Variants in SRGAP1 observed in about 807,000 individuals in gnomAD.
SRGAP1 encodes SLIT-ROBO Rho GTPase activating protein 1.
Under a neutral mutation model 121.9 loss-of-function variants are expected in SRGAP1, and 43 were observed. That is an observed-to-expected ratio of 0.35 (90% CI 0.28 to 0.46). The LOEUF (loss-of-function observed/expected upper bound fraction) is 0.46, where lower values mean the gene tolerates loss of function less well. SRGAP1 is among the 20% of genes least tolerant of loss of function. The probability of loss-of-function intolerance (pLI) is 1.00; values close to 1 mark genes in which losing one functional copy is unlikely to be tolerated. For missense variants in SRGAP1, 1,102 were observed against 1,350.9 expected, an observed-to-expected ratio of 0.82 and a Z score of 2.89; for synonymous variants, 447 against 485.4, an observed-to-expected ratio of 0.92 and a Z score of 1.04.
chr12:64,042,032 G>A (rs2035036539), intron 4 of SRGAP1, among the ~76,000 whole-genome samples: 1 of 151,572 alleles, frequency 6.6e-6, no homozygotes, highest in African/African-American at 2.4e-5. Flanking sequence ...CCGAGTAGCT[G>A]GATTACAGAT....
chr12:64,080,631 C>T, intron 10 of SRGAP1: 2 of 524,478 alleles, frequency 3.8e-6, no homozygotes, highest in Non-Finnish European at 6.9e-6. Context: ...GAGGGATCTT[C>T]AGAGTGTGGT....
rs372358082 is a variant in SRGAP1, at chr12:64,128,027, A to C, written c.2707A>C (p.Asn903His). 3.8e-5 allele frequency: 61 copies of C among 1,614,026 alleles called. No homozygotes were observed. In the African/African-American group the frequency reaches 7.3e-4, roughly 19 times the overall value. Residue 903 changes from asparagine (N) to histidine (H), a missense_variant, in exon 21 of 22, where the codon AAC (asparagine) becomes CAC (histidine). Asn to His is a moderately conservative substitution (Grantham distance 68, BLOSUM62 1). Coordinates refer to ENST00000355086, the MANE Select transcript of SRGAP1 (RefSeq NM_020762.4). ...GGGCCTGCTGCAGAACCGTGGCCTC[A>C]ACAATGACAGTCCTGAGCGGAGGCG... ...PRGLLQNRGL[N>H]NDSPERRRRP...
chr12:64,015,339 AT>A (rs2034374468), intron 3 of SRGAP1, among the ~76,000 whole-genome samples: 1 of 152,196 alleles, frequency 6.6e-6, no homozygotes, highest in African/African-American at 2.4e-5. Context: ...AGTTGACTTC[AT>A]TTTTTTACTC....
intron 1 of SRGAP1, among the ~76,000 whole-genome samples, chr12:63,897,846 A>G (rs1175878467): frequency 1.3e-5 from 2 of 152,134 alleles, no homozygotes; most frequent in African/African-American, 4.8e-5. Flanking sequence ...GGAGGGAGAT[A>G]GATTTTTTTC....
intron 18 of SRGAP1, among the ~76,000 whole-genome samples, chr12:64,120,830 T>G (rs2036594800): frequency 2.6e-5 from 4 of 152,198 alleles, no homozygotes; most frequent in Admixed American, 2.6e-4. Flanking sequence ...CCTCTCTGGG[T>G]TCCCACTTTC....
intron 1 of SRGAP1, among the ~76,000 whole-genome samples, chr12:63,915,130 C>T (rs1045633198): frequency 1.3e-5 from 2 of 152,058 alleles, no homozygotes; most frequent in Non-Finnish European, 2.9e-5. Flanking sequence ...TTTGCTTTAA[C>T]TTTAGTAAAG....
chr12:64,111,683 G>T, intron 16 of SRGAP1, 79 bp from the exon 17 acceptor site: 1 of 1,228,270 alleles, frequency 8.1e-7, no homozygotes, highest in South Asian at 1.7e-5. Context: ...TTAAAGTATT[G>T]AAGTATCTTG....
At chr12:63,932,230 G>A (rs1297269354) in intron 1 of SRGAP1, among the ~76,000 whole-genome samples, 1 of 152,160 alleles carries the variant, frequency 6.6e-6, no homozygotes, top group African/African-American at 2.4e-5. Context: ...TCAGTGAGCC[G>A]AGATTGCACC....
At chr12:63,907,550 T>C (rs926647632) in intron 1 of SRGAP1, among the ~76,000 whole-genome samples, 1 of 151,690 alleles carries the variant, frequency 6.6e-6, no homozygotes, top group Non-Finnish European at 1.5e-5. Flanking sequence ...AAAAAAAAAA[T>C]TAAAGTAAAA....
At chr12:64,126,266 A>C in intron 19 of SRGAP1, 109 bp downstream of exon 19, 2 of 1,259,110 alleles carry the variant, frequency 1.6e-6, no homozygotes, top group Non-Finnish European at 2.2e-6. Context: ...GATTACAGAG[A>C]TAAAACTTCA....
chr12:63,860,994 C>G (rs780323951), intron 1 of SRGAP1, among the ~76,000 whole-genome samples: 4 of 151,954 alleles, frequency 2.6e-5, no homozygotes, highest in Non-Finnish European at 5.9e-5. Context: ...GACCGCCAAG[C>G]CTGGCCCTTT....
chr12:63,921,109 T>A (rs1432528336), intron 1 of SRGAP1, among the ~76,000 whole-genome samples: 4 of 152,140 alleles, frequency 2.6e-5, no homozygotes, highest in East Asian at 1.9e-4. Flanking sequence ...CTTTAATATC[T>A]CCCCCTAGCT....
intron 1 of SRGAP1, among the ~76,000 whole-genome samples, chr12:63,915,586 A>C (rs538614263): frequency 1.3e-5 from 2 of 152,342 alleles, no homozygotes; most frequent in South Asian, 2.1e-4. Context: ...GAAGATTTTT[A>C]GCTGGAGACA....
At chr12:64,007,302 T>G (rs150264813) in intron 3 of SRGAP1, among the ~76,000 whole-genome samples, 250 of 152,264 alleles carry the variant, frequency 1.6e-3, no homozygotes, top group Middle Eastern at 3.4e-3. Context: ...AGTTTCGAGA[T>G]GAAACTGTTC....
intron 1 of SRGAP1, among the ~76,000 whole-genome samples, chr12:63,973,970 A>T (rs1043392660): frequency 2.0e-5 from 3 of 152,184 alleles, no homozygotes; most frequent in Non-Finnish European, 1.5e-5. Context: ...CCAAAATGTA[A>T]ATCTTTGTAT....
In SRGAP1 at chr12:64,153,479, A is replaced by C. The variant is rs1051428313; in HGVS notation, c.*10807A>C. ...CACAGTGAGACTCCATCTCAAAAAA[A>C]AAAAAAAAAGTAAGGTACTTAGATG... On this transcript the variant is annotated 3_prime_UTR_variant, in exon 22 of 22. Transcript: ENST00000355086. 2 of 152,022 alleles carry C rather than the reference A, an allele frequency of 1.3e-5. No individual in the cohort carries two copies. The highest frequency in any genetic ancestry group is 1.3e-4 in the Admixed American group (2 of 15,262). 9.4% of individuals were successfully genotyped at this position (152,022 alleles called of 1,614,324 possible).
rs145629853 is a variant in SRGAP1, at chr12:63,844,846, C to G, written c.30C>G (p.Asp10Glu). The change falls in exon 1 of 22, where the codon GAC (aspartate) becomes GAG (glutamate). Residue 10 changes from aspartate to glutamate, a missense_variant. Physicochemically the swap from Asp to Glu is conservative, Grantham distance 45. Transcript: ENST00000355086. The surrounding 1 kb of genome is among the most constrained non-coding windows in gnomAD (Gnocchi z 4.3). The part of the protein sequence containing the change: MSTPSRFKK[D>E]KEIIAEYESQ... ...CCACCCCGAGCCGATTCAAGAAGGA[C>G]AAAGAGATCATAGCCGAGTATGAAA... 3 of 1,614,146 alleles carry G rather than the reference C, an allele frequency of 1.9e-6. No homozygotes were observed. Among genetic ancestry groups the G allele is most frequent in the Non-Finnish European group, 2.5e-6 (3 of 1,180,022 alleles).
At chr12:63,872,052 G>T (rs1484099791) in intron 1 of SRGAP1, 2 of 765,620 alleles carry the variant, frequency 2.6e-6, no homozygotes, top group Non-Finnish European at 4.7e-6. Context: ...CATCTTTGCA[G>T]CAGGGCTGTT....
At chr12:64,021,172 A>G (rs1285948539) in intron 4 of SRGAP1, among the ~76,000 whole-genome samples, 1 of 152,232 alleles carries the variant, frequency 6.6e-6, no homozygotes, top group Non-Finnish European at 1.5e-5. Flanking sequence ...AGGAGACTCC[A>G]TGAAAGTCTC....
Sources: gnomAD v4.1 joint callset for allele counts (sites outside exome capture counted in the v4.1 genomes callset) on GRCh38, gnomAD v4.1.1 for gene constraint, Gnocchi (gnomAD v3.1) non-coding constraint, MANE v1.5 for transcripts, NCBI Gene and HGNC (gene_info 2026-07-23, HGNC 2026-07-21) for gene names.